PCDH15: variants seen among roughly 807,000 people sequenced by gnomAD.
PCDH15 encodes protocadherin related 15, also known as protocadherin-15.
PCDH15 carries 129 observed loss-of-function variants against 178.5 expected under a neutral mutation model. That is an observed-to-expected ratio of 0.72 (90% CI 0.63 to 0.84). The LOEUF is 0.84. Ranked by LOEUF, PCDH15 falls within the 40% of genes least tolerant of loss-of-function variation. PCDH15 has a pLI of 0.00. For synonymous variants in PCDH15, 800 were observed against 732.0 expected (o/e 1.09, Z -1.50); for missense variants, 2,230 against 2,099.9 (o/e 1.06, Z -1.21).
chr10:55,621,395 C>G lies in PCDH15; in HGVS notation c.-156+6230G>C, dbSNP rs551084473. On this transcript the variant is annotated intron_variant, in intron 2 of 5. Coordinates refer to the PCDH15 transcript ENST00000613346. ...CCAACAGAGCAATGGTCCCCGCACC[C>G]CAGAGCAGGGGTCCCCCACCCCAGG... Among the ~76,000 whole-genome samples, 5 of 152,116 alleles carry G rather than the reference C, an allele frequency of 3.3e-5. No homozygotes were observed. The East Asian group carries it at 9.7e-4, about 29-fold the overall frequency.
chr10:54,590,601 G>A (rs953690974), intron 2 of PCDH15, among the ~76,000 whole-genome samples: 19 of 152,066 alleles, frequency 1.2e-4, no homozygotes, highest in African/African-American at 4.1e-4. Context: ...AATAATGGTT[G>A]AGCAAAGTAG....
rs374188608 is a variant in PCDH15, at chr10:55,037,683, A to C, written c.-80+128893T>G. Among the ~76,000 whole-genome samples, 81 of 152,318 alleles carry C rather than the reference A, an allele frequency of 5.3e-4. No individual in the cohort carries two copies. In the East Asian group the frequency reaches 0.011, roughly 21 times the overall value. On this transcript the variant is annotated intron_variant, in intron 2 of 5. Coordinates refer to the PCDH15 transcript ENST00000458638. ...AGAAAGTTCTGTTTCTGAAGATTGT[A>C]AAATATCTGCGGACTCATGGCAATG...
At chr10:53,826,357 T>G (rs1402045634) in intron 32 of PCDH15, among the ~76,000 whole-genome samples, 1 of 152,030 alleles carries the variant, frequency 6.6e-6, no homozygotes, top group Non-Finnish European at 1.5e-5. Context: ...ATTAATATGG[T>G]AAGTAACCTG....
intron 2 of PCDH15, among the ~76,000 whole-genome samples, chr10:55,370,900 C>A (rs1051202422): frequency 6.6e-5 from 10 of 152,110 alleles, no homozygotes; most frequent in Admixed American, 2.0e-4. Flanking sequence ...ATTATCACTT[C>A]TTGAAAGCAA....
intron 2 of PCDH15, among the ~76,000 whole-genome samples, chr10:54,651,040 T>C (rs908264709): frequency 2.0e-5 from 3 of 151,798 alleles, no homozygotes; most frequent in African/African-American, 7.3e-5. Flanking sequence ...AAGCAATCAA[T>C]CAAGAATAAC....
At chr10:55,571,949 A>G (rs1280096182) in intron 2 of PCDH15, among the ~76,000 whole-genome samples, 2 of 152,096 alleles carry the variant, frequency 1.3e-5, no homozygotes, top group African/African-American at 4.8e-5. Flanking sequence ...GATATTTTTT[A>G]TATGCCACGT....
intron 20 of PCDH15, among the ~76,000 whole-genome samples, chr10:54,004,417 ACACACACAC>A (rs954031718): frequency 9.4e-5 from 7 of 74,340 alleles, no homozygotes; most frequent in African/African-American, 4.1e-4. Flanking sequence ...ACACACACAC[ACACACACAC>A]CACACAAAGT....
intron 2 of PCDH15, among the ~76,000 whole-genome samples, chr10:55,603,072 C>T (rs1369500558): frequency 4.0e-5 from 6 of 151,732 alleles, no homozygotes; most frequent in Admixed American, 1.3e-4. Flanking sequence ...AACCAAGGCT[C>T]GAGAACTACG....
At chr10:54,377,676 C>T (rs138788830) in intron 4 of PCDH15, among the ~76,000 whole-genome samples, 3 of 152,136 alleles carry the variant, frequency 2.0e-5, no homozygotes, top group African/African-American at 7.2e-5. Context: ...GTTCACTAAG[C>T]TGAGTATCTG....
At chr10:54,809,389 C>A (rs1952827690) in intron 3 of PCDH15, among the ~76,000 whole-genome samples, 1 of 151,958 alleles carries the variant, frequency 6.6e-6, no homozygotes, top group African/African-American at 2.4e-5. Flanking sequence ...TGGGGAAGTT[C>A]AAAAAAGACA....
intron 25 of PCDH15, among the ~76,000 whole-genome samples, chr10:53,920,599 C>T (rs566104092): frequency 2.6e-5 from 4 of 152,034 alleles, no homozygotes; most frequent in East Asian, 3.9e-4. Context: ...AGAAGTAGAG[C>T]GGAAACAGAA....
chr10:54,409,725 T>C (rs1953201814), intron 3 of PCDH15, among the ~76,000 whole-genome samples: 2 of 152,212 alleles, frequency 1.3e-5, no homozygotes, highest in South Asian at 4.1e-4. Flanking sequence ...CATATGTTGA[T>C]GATATTTGGA....
intron 1 of PCDH15, among the ~76,000 whole-genome samples, chr10:54,764,861 C>T (rs1480663212): frequency 2.0e-5 from 3 of 151,940 alleles, no homozygotes; most frequent in East Asian, 3.9e-4. Flanking sequence ...CCTCAAAGAG[C>T]CTGGTAAGAG....
chr10:54,646,882 A>G (rs1015602447), intron 2 of PCDH15, among the ~76,000 whole-genome samples: 4 of 152,104 alleles, frequency 2.6e-5, no homozygotes, highest in Non-Finnish European at 5.9e-5. Context: ...ACTCCTATAC[A>G]TGATGGGAAT....
chr10:54,811,338 T>C (rs1180329090), intron 3 of PCDH15, among the ~76,000 whole-genome samples: 1 of 152,194 alleles, frequency 6.6e-6, no homozygotes, highest in Non-Finnish European at 1.5e-5. Flanking sequence ...GTGTTTGATA[T>C]AGTTAATTTC....
intron 15 of PCDH15, among the ~76,000 whole-genome samples, chr10:54,104,710 G>A (rs1418452603): frequency 5.3e-5 from 8 of 151,832 alleles, no homozygotes; most frequent in South Asian, 2.1e-4. Flanking sequence ...GGTGGCGGGC[G>A]CCTGTAGTCC....
At chr10:53,944,353 T>A (rs1732320700) in intron 23 of PCDH15, among the ~76,000 whole-genome samples, 2 of 152,212 alleles carry the variant, frequency 1.3e-5, no homozygotes, top group Non-Finnish European at 2.9e-5. Context: ...ATTCTGAACC[T>A]GATATAATGT....
chr10:54,794,844 C>CT (rs528380035), intron 1 of PCDH15, among the ~76,000 whole-genome samples: 167 of 151,846 alleles, frequency 1.1e-3, no homozygotes, highest in Non-Finnish European at 1.8e-3. Flanking sequence ...TCCTAGATTG[C>CT]TTTTTTTAAA....
intron 10 of PCDH15, among the ~76,000 whole-genome samples, chr10:54,199,735 T>G (rs1428156878): frequency 6.6e-6 from 1 of 152,196 alleles, no homozygotes; most frequent in East Asian, 1.9e-4. Context: ...ATGAGAAATA[T>G]TTTAAAAACA....
Sources: allele counts gnomAD v4.1 joint callset (sites outside exome capture counted in the v4.1 genomes callset), GRCh38; gene constraint gnomAD v4.1.1; transcripts MANE v1.5; gene names NCBI Gene and HGNC (gene_info 2026-07-23, HGNC 2026-07-21).